The following PHLPP1 variants were observed in gnomAD, a reference collection of about 807,000 sequenced individuals.
The protein encoded by PHLPP1 is PH domain leucine-rich repeat-containing protein phosphatase 1.
Under a neutral mutation model 117.2 loss-of-function variants are expected in PHLPP1, and 42 were observed. That is an observed-to-expected ratio of 0.36 (90% confidence interval 0.28 to 0.46). PHLPP1 has a LOEUF of 0.46. Ranked by LOEUF, PHLPP1 falls within the 20% of genes least tolerant of loss-of-function variation. The pLI, the probability that PHLPP1 is intolerant of heterozygous loss-of-function variation, is 1.00. For missense variants in PHLPP1, 2,084 were observed against 2,241.9 expected, an observed-to-expected ratio of 0.93 and a Z score of 1.42; for synonymous variants, 1,042 against 970.7, an observed-to-expected ratio of 1.07 and a Z score of -1.37.
chr18:62,792,504 T>C (rs553488698), intron 1 of PHLPP1, among the ~76,000 whole-genome samples: 1 of 152,192 alleles, frequency 6.6e-6, no homozygotes, highest in Non-Finnish European at 1.5e-5. Flanking sequence ...ACTCCTTGCC[T>C]TCTAATCAGT....
Position 62,978,729 on chromosome 18 carries a change from T to G in PHLPP1, c.4452T>G (p.Ser1484=). The change falls in exon 17 of 17, where the codon TCT becomes TCG. Residue 1484 remains serine, a synonymous_variant. Transcript: ENST00000262719. The surrounding 1 kb of genome is among the most constrained non-coding windows in gnomAD (Gnocchi z 7.0). Reference sequence around the variant, plus strand: ...AGATTAGCAGTGAGCTCTCCACTTCTGAGATGAGCAGCGAGGTGGGGTCAA... The same window carrying G: ...AGATTAGCAGTGAGCTCTCCACTTCGGAGATGAGCAGCGAGGTGGGGTCAA... ...ASEISSELST[S]EMSSEVGSTA... 1.2e-6 allele frequency: 2 copies of G among 1,613,406 alleles called. No homozygotes were observed. The highest frequency in any genetic ancestry group is 1.7e-6 in the Non-Finnish European group (2 of 1,179,734).
Position 62,838,837 on chromosome 18 carries a change from C to T in PHLPP1, c.1827C>T (p.Pro609=). ...GTTTAGCATTTAGCTCCTCTGGACC[C>T]CAAAGCCAGACTTACTACATTTGCT... ...QHCLAFSSSG[P]QSQTYYICFD... Residue 609 remains proline, a synonymous_variant, in exon 3 of 17, where the codon CCC becomes CCT. Transcript: ENST00000262719. 2.5e-6 allele frequency: 4 copies of T among 1,613,648 alleles called. No individual in the cohort carries two copies. The highest frequency in any genetic ancestry group is 3.4e-6 in the Non-Finnish European group (4 of 1,179,612).
intron 3 of PHLPP1, chr18:62,839,372 C>T (rs1914994987): frequency 6.4e-6 from 1 of 157,168 alleles, no homozygotes. Context: ...TTATTTTGGC[C>T]ATTTTATATT....
chr18:62,816,508 A>C (rs1914278880), intron 1 of PHLPP1, among the ~76,000 whole-genome samples: 1 of 152,206 alleles, frequency 6.6e-6, no homozygotes, highest in Non-Finnish European at 1.5e-5. Context: ...CGGAGGTTGC[A>C]GTGAGCTGAG....
At chr18:62,799,315 ACT>A (rs932128069) in intron 1 of PHLPP1, among the ~76,000 whole-genome samples, 4 of 152,114 alleles carry the variant, frequency 2.6e-5, no homozygotes, top group African/African-American at 9.7e-5. Context: ...TGGTAGCAAG[ACT>A]CTGAGGATGT....
intron 12 of PHLPP1, among the ~76,000 whole-genome samples, chr18:62,949,230 C>G (rs1391663541): frequency 6.6e-6 from 1 of 152,112 alleles, no homozygotes; most frequent in Non-Finnish European, 1.5e-5. Context: ...GCTAGTTTCA[C>G]CAAGCATTGC....
At chr18:62,855,023 G>A (rs1915457592) in intron 3 of PHLPP1, among the ~76,000 whole-genome samples, 1 of 152,032 alleles carries the variant, frequency 6.6e-6, no homozygotes, top group Admixed American at 6.6e-5. Context: ...TAAACTAAAT[G>A]GCCTTGGGCG....
chr18:62,912,280 T>C (rs1428167021), intron 8 of PHLPP1, among the ~76,000 whole-genome samples: 2 of 145,154 alleles, frequency 1.4e-5, no homozygotes, highest in African/African-American at 5.1e-5. Flanking sequence ...TGTGCACATG[T>C]ACCCTAAAAC....
rs745518664 is a variant in PHLPP1, at chr18:62,895,158, G to A, written c.2213+1G>A. ...CGGCAGCCGTTGGAGTGATGCACAA[G>A]TGTGTACTTCAAACCCCACTGGCGG... On this transcript the variant is annotated splice_donor_variant, in intron 5 of 16. Coordinates refer to ENST00000262719, the MANE Select transcript of PHLPP1 (RefSeq NM_194449.4). LOFTEE classifies it high-confidence loss of function. 1.9e-6 allele frequency: 3 copies of A among 1,613,372 alleles called. No homozygotes were observed. Among genetic ancestry groups the A allele is most frequent in the East Asian group, 2.2e-5 (1 of 44,876 alleles).
chr18:62,830,006 A>G, intron 1 of PHLPP1, 29 bp from the exon 2 acceptor site: 1 of 1,564,592 alleles, frequency 6.4e-7, no homozygotes, highest in East Asian at 2.3e-5. Flanking sequence ...ATTTTAAAAG[A>G]ATAACATGTT....
At chr18:62,941,081 C>A (rs1013641336) in intron 10 of PHLPP1, among the ~76,000 whole-genome samples, 1 of 152,096 alleles carries the variant, frequency 6.6e-6, no homozygotes, top group Non-Finnish European at 1.5e-5. Context: ...TGTTTTAGTT[C>A]TTTATTCTCA....
intron 14 of PHLPP1, among the ~76,000 whole-genome samples, chr18:62,971,445 G>T (rs537803470): frequency 6.7e-5 from 10 of 150,234 alleles, no homozygotes; most frequent in African/African-American, 2.5e-4. Context: ...GAAACAGTTT[G>T]ATTCTTTTGA....
At chr18:62,838,288 A>C (rs1914962399) in intron 2 of PHLPP1, 1 of 152,336 alleles carries the variant, frequency 6.6e-6, no homozygotes, top group African/African-American at 2.4e-5. Context: ...TGAAGAACTT[A>C]CAAGGAGTGG....
chr18:62,854,463 C>T (rs1348780730), intron 3 of PHLPP1, among the ~76,000 whole-genome samples: 1 of 152,206 alleles, frequency 6.6e-6, no homozygotes, highest in Non-Finnish European at 1.5e-5. Flanking sequence ...TGTATTTGGT[C>T]AGCAGATGGT....
At chr18:62,751,002 A>G (rs947433898) in intron 1 of PHLPP1, among the ~76,000 whole-genome samples, 1 of 152,198 alleles carries the variant, frequency 6.6e-6, no homozygotes, top group African/African-American at 2.4e-5. Flanking sequence ...CAGGTGCCCA[A>G]AGTCCCAAAG....
At chr18:62,762,925 G>A (rs184631543) in intron 1 of PHLPP1, among the ~76,000 whole-genome samples, 3 of 152,068 alleles carry the variant, frequency 2.0e-5, no homozygotes, top group African/African-American at 7.2e-5. Flanking sequence ...TTGCAATAGA[G>A]GTGTTTATGG....
Position 62,866,227 on chromosome 18 carries a change from C to T in PHLPP1, c.2066+5626C>T, listed in dbSNP as rs1397689073. 5.3e-5 allele frequency among the ~76,000 whole-genome samples: 8 copies of T among 151,056 alleles called. No individual in the cohort carries two copies. The East Asian group carries it at 1.2e-3, about 22-fold the overall frequency. On this transcript the variant is annotated intron_variant, in intron 4 of 16. Coordinates refer to ENST00000262719, the MANE Select transcript of PHLPP1 (RefSeq NM_194449.4). The stretch of plus-strand genomic sequence containing the variant: ...TAAAAAGAAAAATGAGAGGCCAAAA[C>T]GTTTTTGTTTTTGTGTTTTTTGTTT...
chr18:62,800,331 G>A (rs1035785870), intron 1 of PHLPP1, among the ~76,000 whole-genome samples: 1 of 152,158 alleles, frequency 6.6e-6, no homozygotes, highest in Non-Finnish European at 1.5e-5. Flanking sequence ...ATAAATTAAC[G>A]CTTTAGAGTT....
chr18:62,941,839 T>C lies in PHLPP1; in HGVS notation c.3082T>C (p.Cys1028Arg), dbSNP rs1411096823. 1 of 1,613,902 alleles carries C rather than the reference T, an allele frequency of 6.2e-7. No individual in the cohort carries two copies. Among genetic ancestry groups the C allele is most frequent in the Non-Finnish European group, 8.5e-7 (1 of 1,179,874 alleles). The change falls in exon 11 of 17, where the codon TGT (cysteine) becomes CGT (arginine). Residue 1028 changes from cysteine to arginine, a missense_variant. Cys to Arg is a radical substitution (Grantham distance 180, BLOSUM62 -3). This residue lies in a region of PHLPP1 where 1,365 missense variants were observed against 1,605.9 expected (regional missense o/e 0.85). Transcript: ENST00000262719. ...GACAAATAACAGCCTCACAGACAAA[T>C]GTGTGCCCTTGTTAACGGGACACCC... ...YLTNNSLTDK[C>R]VPLLTGHPHL...
Sources: gnomAD v4.1 joint callset for allele counts (sites outside exome capture counted in the v4.1 genomes callset) on GRCh38, gnomAD v4.1.1 for gene constraint, gnomAD v4.1.1 regional missense constraint, Gnocchi (gnomAD v3.1) non-coding constraint, MANE v1.5 for transcripts, NCBI Gene and HGNC (gene_info 2026-07-23, HGNC 2026-07-21) for gene names.